The following NRCAM variants were observed in gnomAD, a reference collection of about 807,000 sequenced individuals.
NRCAM encodes NgCAM-related cell adhesion molecule.
Under a neutral mutation model 156.5 loss-of-function variants are expected in NRCAM, and 83 were observed. The observed-to-expected ratio is 0.53, with a 90% CI of 0.44 to 0.64. NRCAM has a LOEUF of 0.64. Among genes scored for constraint, NRCAM ranks in the 30% least tolerant of loss-of-function variants. The probability of loss-of-function intolerance (pLI) is 0.00; values close to 1 mark genes in which losing one functional copy is unlikely to be tolerated. For missense variants in NRCAM, 1,417 were observed against 1,597.3 expected, an observed-to-expected ratio of 0.89 and a Z score of 1.92; for synonymous variants, 538 against 563.9, an observed-to-expected ratio of 0.95 and a Z score of 0.65.
Position 108,368,795 on chromosome 7 carries a change from G to A in NRCAM, c.-174+30641C>T, listed in dbSNP as rs111606775. ...TATATTTCTGAAAGATTCACTCTCC[G>A]AAAGCACATTAATGTTGATAAAACT... is the stretch of plus-strand genomic sequence containing the variant. On this transcript the variant is annotated intron_variant, in intron 2 of 32. Coordinates refer to ENST00000379028, the MANE Select transcript of NRCAM (RefSeq NM_001037132.4). Among the ~76,000 whole-genome samples, 1,161 of 152,194 alleles carry A rather than the reference G, an allele frequency of 7.6e-3. 5 individuals carry two copies. Among genetic ancestry groups the A allele is most frequent in the African/African-American group, 0.026 (1,094 of 41,522 alleles).
chr7:108,410,193 A>T (rs926198229), intron 1 of NRCAM, among the ~76,000 whole-genome samples: 12 of 152,222 alleles, frequency 7.9e-5, no homozygotes, highest in African/African-American at 2.7e-4. Context: ...GTACAGATAG[A>T]AAAATATAAG....
chr7:108,420,021 C>T (rs996551523), intron 1 of NRCAM, among the ~76,000 whole-genome samples: 1 of 148,346 alleles, frequency 6.7e-6, no homozygotes, highest in Non-Finnish European at 1.5e-5. Flanking sequence ...TAAGTACTTA[C>T]AAATATTTTA....
intron 2 of NRCAM, among the ~76,000 whole-genome samples, chr7:108,339,442 G>A (rs576409027): frequency 1.2e-3 from 186 of 152,308 alleles, no homozygotes; most frequent in Non-Finnish European, 2.0e-3. Context: ...TCTGTGAAAC[G>A]AATTTACTTA....
chr7:108,251,013 A>C (rs994694456), intron 3 of NRCAM, among the ~76,000 whole-genome samples: 1 of 152,212 alleles, frequency 6.6e-6, no homozygotes, highest in Non-Finnish European at 1.5e-5. Context: ...CTAGCCTCCT[A>C]GAAGAGTCAG....
rs2040087704 is a variant in NRCAM, at chr7:108,149,328, A to C, written c.*582T>G. 6.6e-6 allele frequency: 1 copy of C among 152,570 alleles called. No homozygotes were observed. The highest frequency in any genetic ancestry group is 2.4e-5 in the African/African-American group (1 of 41,440). 9.5% of individuals were successfully genotyped at this position (152,570 alleles called of 1,614,324 possible). On this transcript the variant is annotated 3_prime_UTR_variant, in exon 33 of 33. Transcript: ENST00000379028. Reference sequence around the variant, plus strand: ...TAATAGTTCTCAGTAAGCATCAGCAATGTGACTGTCATAATGAACTCATTT... The same window carrying C: ...TAATAGTTCTCAGTAAGCATCAGCACTGTGACTGTCATAATGAACTCATTT...
intron 2 of NRCAM, among the ~76,000 whole-genome samples, chr7:108,370,306 T>C (rs1450270937): frequency 6.6e-6 from 1 of 152,190 alleles, no homozygotes; most frequent in African/African-American, 2.4e-5. Context: ...TGCATTCTTG[T>C]ATATTTGGAG....
rs1251388452 is a variant in NRCAM, at chr7:108,209,456, C to A, written c.1040G>T (p.Gly347Val). 2 of 1,608,248 alleles carry A rather than the reference C, an allele frequency of 1.2e-6. No homozygotes were observed. Among genetic ancestry groups the A allele is most frequent in the Non-Finnish European group, 1.7e-6 (2 of 1,177,558 alleles). The change falls in exon 12 of 33, where the codon GGA becomes GTA. Residue 347 changes from glycine to valine, a missense_variant. Physicochemically the swap from Gly to Val is moderately radical, Grantham distance 109. Coordinates refer to ENST00000379028, the MANE Select transcript of NRCAM (RefSeq NM_001037132.4). ...AACAGAAATGGTATGGTGGATGGCT[C>A]CTAATGCGTTTTTTGCTATACATTG... ...NYQCIAKNALGAIHHTISVRV... is the reference protein window; with the variant it reads ...NYQCIAKNALVAIHHTISVRV...
At position 108,343,981 on chromosome 7, in the gene NRCAM, T is replaced by A. The variant is rs1269725362; in HGVS notation, c.-173-31250A>T. Among the ~76,000 whole-genome samples, 9 of 152,154 alleles carry A rather than the reference T, an allele frequency of 5.9e-5. 1 individual carries two copies. The stretch of plus-strand genomic sequence containing the variant: ...CCCCAGAGGCAGTCCATGACTAAGA[T>A]CTACCATGGACCCCTGGACTGGCCT... On this transcript the variant is annotated intron_variant, in intron 2 of 32. Transcript: ENST00000379028.
intron 2 of NRCAM, among the ~76,000 whole-genome samples, chr7:108,317,541 C>T (rs1025751925): frequency 6.6e-6 from 1 of 152,120 alleles, no homozygotes; most frequent in African/African-American, 2.4e-5. Context: ...AACTATTTTT[C>T]AAGTTCACTG....
At chr7:108,358,836 C>G (rs1049451103) in intron 2 of NRCAM, among the ~76,000 whole-genome samples, 1 of 152,192 alleles carries the variant, frequency 6.6e-6, no homozygotes, top group Non-Finnish European at 1.5e-5. Context: ...AGTCTAAAGG[C>G]ACTGCCAGAT....
At chr7:108,208,966 A>G (rs2082604250) in intron 12 of NRCAM, among the ~76,000 whole-genome samples, 1 of 152,212 alleles carries the variant, frequency 6.6e-6, no homozygotes, top group South Asian at 2.1e-4. Flanking sequence ...ACACTCAAGA[A>G]GAGGGAAAGT....
At chr7:108,378,687 AC>A (rs2099687377) in intron 2 of NRCAM, among the ~76,000 whole-genome samples, 1 of 141,642 alleles carries the variant, frequency 7.1e-6, no homozygotes, top group Non-Finnish European at 1.5e-5. Context: ...ACACACACAC[AC>A]AAACTCCAAG....
At chr7:108,183,861 A>AT (rs571669663) in intron 22 of NRCAM, among the ~76,000 whole-genome samples, 250 of 152,060 alleles carry the variant, frequency 1.6e-3, no homozygotes, top group Non-Finnish European at 2.9e-3. Flanking sequence ...ACTAGCTAGC[A>AT]TTTTTTTGAG....
intron 28 of NRCAM, 23 bp downstream of exon 28, chr7:108,175,299 G>A (rs754990578): frequency 4.5e-6 from 7 of 1,549,742 alleles, no homozygotes; most frequent in African/African-American, 4.1e-5. Flanking sequence ...CATGTATAAA[G>A]TCATGCAGAT....
intron 8 of NRCAM, 68 bp from the exon 9 acceptor site, chr7:108,226,446 T>C: frequency 9.4e-7 from 1 of 1,062,306 alleles, no homozygotes; most frequent in South Asian, 1.5e-5. Context: ...ATTAGCAAGA[T>C]AAATGTACCT....
intron 32 of NRCAM, among the ~76,000 whole-genome samples, chr7:108,153,119 TC>T (rs1156840948): frequency 6.6e-6 from 1 of 152,132 alleles, no homozygotes; most frequent in Non-Finnish European, 1.5e-5. Context: ...AACATTGATA[TC>T]CAAAACCAAT....
chr7:108,445,855 T>C (rs557149205), intron 1 of NRCAM, among the ~76,000 whole-genome samples: 1 of 152,362 alleles, frequency 6.6e-6, no homozygotes, highest in East Asian at 1.9e-4. Context: ...AAGGCCATGC[T>C]GTAGTTCAAC....
chr7:108,378,093 T>A (rs954113247), intron 2 of NRCAM, among the ~76,000 whole-genome samples: 1 of 152,082 alleles, frequency 6.6e-6, no homozygotes, highest in African/African-American at 2.4e-5. Flanking sequence ...TTTAAAAAAT[T>A]TGAATTACAT....
intron 2 of NRCAM, among the ~76,000 whole-genome samples, chr7:108,384,035 G>A (rs2099722258): frequency 6.6e-6 from 1 of 152,042 alleles, no homozygotes; most frequent in South Asian, 2.1e-4. Context: ...CTTATAAGTG[G>A]GAGCTAAATG....
Sources: gnomAD v4.1 joint callset for allele counts (sites outside exome capture counted in the v4.1 genomes callset) on GRCh38, gnomAD v4.1.1 for gene constraint, MANE v1.5 for transcripts, NCBI Gene and HGNC (gene_info 2026-07-23, HGNC 2026-07-21) for gene names.